Variants in SORCS2 observed in about 807,000 individuals in gnomAD.
The protein encoded by SORCS2 is VPS10 domain-containing receptor SorCS2.
A neutral mutation model predicts 141.6 loss-of-function variants in SORCS2; 100 were observed. The observed-to-expected ratio is 0.71, with a 90% CI of 0.60 to 0.83. The LOEUF (loss-of-function observed/expected upper bound fraction) is 0.83. SORCS2 is among the 40% of genes least tolerant of loss of function. The pLI is 0.00. For synonymous variants in SORCS2, 789 were observed against 676.9 expected, an observed-to-expected ratio of 1.17 and a Z score of -2.57; for missense variants, 1,646 against 1,560.2, an observed-to-expected ratio of 1.05 and a Z score of -0.93.
At chr4:7,285,463 T>C (rs1716152298) in intron 1 of SORCS2, among the ~76,000 whole-genome samples, 2 of 152,328 alleles carry the variant, frequency 1.3e-5, no homozygotes, top group African/African-American at 4.8e-5. Flanking sequence ...TCCCCCACAC[T>C]GTTCACTATC....
At chr4:7,290,044 C>T (rs1240296678) in intron 1 of SORCS2, among the ~76,000 whole-genome samples, 1 of 152,178 alleles carries the variant, frequency 6.6e-6, no homozygotes, top group Non-Finnish European at 1.5e-5. Context: ...GCTGGGGAGA[C>T]CTTTGCTGCC....
chr4:7,247,537 T>A (rs1370508558), intron 1 of SORCS2, among the ~76,000 whole-genome samples: 1 of 152,182 alleles, frequency 6.6e-6, no homozygotes, highest in Non-Finnish European at 1.5e-5. Flanking sequence ...AAGAAGCAAG[T>A]TTGTTAATCT....
At chr4:7,707,913 T>TCACACAGCC (rs1348270235) in intron 14 of SORCS2, among the ~76,000 whole-genome samples, 3 of 152,078 alleles carry the variant, frequency 2.0e-5, no homozygotes, top group African/African-American at 7.2e-5. Context: ...CCAGCACAGC[T>TCACACAGCC]CACACAGCTC....
chr4:7,290,055 T>C (rs1281476958), intron 1 of SORCS2, among the ~76,000 whole-genome samples: 6 of 152,126 alleles, frequency 3.9e-5, no homozygotes, highest in Non-Finnish European at 8.8e-5. Flanking sequence ...CTTTGCTGCC[T>C]CTGAGTGGCT....
At chr4:7,274,877 C>A (rs935554033) in intron 1 of SORCS2, among the ~76,000 whole-genome samples, 13 of 152,228 alleles carry the variant, frequency 8.5e-5, no homozygotes, top group Non-Finnish European at 1.8e-4. Context: ...CACCCTGCTC[C>A]CCCATCACGT....
chr4:7,688,492 G>A (rs1358562423), intron 10 of SORCS2, among the ~76,000 whole-genome samples: 1 of 152,176 alleles, frequency 6.6e-6, no homozygotes, highest in East Asian at 1.9e-4. Context: ...CCAGGGGAAG[G>A]GCTGGACCCC....
Position 7,455,679 on chromosome 4 carries a change from G to C in SORCS2, c.548+59324G>C, listed in dbSNP as rs182093526. Among the ~76,000 whole-genome samples, 4 of 150,224 alleles carry C rather than the reference G, an allele frequency of 2.7e-5. No homozygotes were observed. In the East Asian group the frequency reaches 7.9e-4, roughly 30 times the overall value. ...TCGTGTTGGGGTCAGGCTCCGTGTT[G>C]GGGTCAGGTGCTGTGTTTGGGTCAG... On this transcript the variant is annotated intron_variant, in intron 2 of 26. Coordinates refer to ENST00000507866, the MANE Select transcript of SORCS2 (RefSeq NM_020777.3).
chr4:7,689,497 C>G lies in SORCS2; in HGVS notation c.1500C>G (p.His500Gln). The G allele has an allele frequency of 1.3e-6, 2 of 1,595,170 alleles. 1 individual carries two copies. Among genetic ancestry groups the G allele is most frequent in the South Asian group, 2.3e-5 (2 of 87,868 alleles). ...TCTCTTCCTTGCAGCCAGACTGCCA[C>G]CTGCACCTGCACCTGCGCTGGGCAG... The part of the protein sequence containing the change: ...KPTNCKPPDC[H>Q]LHLHLRWADN... The change falls in exon 11 of 27, where the codon CAC becomes CAG. Residue 500 changes from histidine to glutamine, a missense_variant. Coordinates refer to ENST00000507866, the MANE Select transcript of SORCS2 (RefSeq NM_020777.3).
chr4:7,537,513 T>C (rs1389793567), intron 3 of SORCS2, among the ~76,000 whole-genome samples: 1 of 152,050 alleles, frequency 6.6e-6, no homozygotes, highest in Non-Finnish European at 1.5e-5. Flanking sequence ...GTGTGCTTGG[T>C]GCTAGAGAGA....
intron 3 of SORCS2, among the ~76,000 whole-genome samples, chr4:7,607,955 G>A (rs1718166768): frequency 6.6e-6 from 1 of 152,112 alleles, no homozygotes; most frequent in African/African-American, 2.4e-5. Context: ...CCTGTGCTTT[G>A]GTTTGGGCTC....
chr4:7,229,697 G>A (rs1338719363), intron 1 of SORCS2, among the ~76,000 whole-genome samples: 1 of 152,242 alleles, frequency 6.6e-6, no homozygotes, highest in African/African-American at 2.4e-5. Context: ...GGTCGTGGGT[G>A]TTAGATCTGC....
chr4:7,545,429 T>C (rs1040203004), intron 3 of SORCS2, among the ~76,000 whole-genome samples: 1 of 152,168 alleles, frequency 6.6e-6, no homozygotes, highest in Non-Finnish European at 1.5e-5. Flanking sequence ...GCTCAATGGC[T>C]CTTCACCTGT....
chr4:7,443,944 G>A (rs1409803153), intron 2 of SORCS2, among the ~76,000 whole-genome samples: 4 of 152,202 alleles, frequency 2.6e-5, no homozygotes, highest in Non-Finnish European at 5.9e-5. Context: ...AACACAATGG[G>A]CCCCACATGT....
intron 1 of SORCS2, among the ~76,000 whole-genome samples, chr4:7,310,953 T>C (rs1393359070): frequency 6.6e-6 from 1 of 152,206 alleles, no homozygotes; most frequent in Non-Finnish European, 1.5e-5. Flanking sequence ...ATATAATAAA[T>C]CACGCAGATT....
intron 3 of SORCS2, among the ~76,000 whole-genome samples, chr4:7,620,554 T>C (rs1278730930): frequency 1.3e-5 from 2 of 152,240 alleles, no homozygotes; most frequent in Admixed American, 6.5e-5. Context: ...AGCGGGCAGC[T>C]GAGTTGTGGG....
At chr4:7,669,560 T>C (rs1722680011) in intron 8 of SORCS2, among the ~76,000 whole-genome samples, 1 of 152,270 alleles carries the variant, frequency 6.6e-6, no homozygotes, top group Non-Finnish European at 1.5e-5. Flanking sequence ...TTGAATTTCC[T>C]CATCAGATGT....
chr4:7,327,768 C>T (rs899952238), intron 1 of SORCS2, among the ~76,000 whole-genome samples: 10 of 152,206 alleles, frequency 6.6e-5, no homozygotes, highest in Admixed American at 3.3e-4. Context: ...CCTCTTTTCC[C>T]TTCCTGAGTG....
intron 2 of SORCS2, chr4:7,433,365 G>A: frequency 6.9e-7 from 1 of 1,451,378 alleles, no homozygotes; most frequent in Non-Finnish European, 9.1e-7. Context: ...CATGCTTCTG[G>A]CAGTGTTGCA....
chr4:7,361,864 T>C lies in SORCS2; in HGVS notation c.481-34424T>C, dbSNP rs572589140. On this transcript the variant is annotated intron_variant, in intron 1 of 26. Transcript: ENST00000507866. ...AGGTGCTCAGAGAAGCTTCTGAGTG[T>C]GGCCCCGGACAGGCACAGAGCACAG... Among the ~76,000 whole-genome samples, 53 of 123,190 alleles carry C rather than the reference T, an allele frequency of 4.3e-4. 1 individual carries two copies. The South Asian group carries it at 0.014, about 33-fold the overall frequency. The allele number at this position is 123,190 out of a possible 152,430, so 80.8% of individuals were successfully genotyped here.
Sources: allele counts gnomAD v4.1 joint callset (sites outside exome capture counted in the v4.1 genomes callset), GRCh38; gene constraint gnomAD v4.1.1; transcripts MANE v1.5; gene names NCBI Gene and HGNC (gene_info 2026-07-23, HGNC 2026-07-21).